CLDN16: variants seen among roughly 807,000 people sequenced by gnomAD.
CLDN16 encodes claudin 16, also known as claudin-16.
CLDN16 carries 13 observed loss-of-function variants against 24.6 expected under a neutral mutation model. The observed-to-expected ratio is 0.53, with a 90% CI of 0.34 to 0.84. CLDN16 has a LOEUF of 0.84. Among genes scored for constraint, CLDN16 ranks in the 40% least tolerant of loss-of-function variants. CLDN16 has a pLI of 0.01. For missense variants in CLDN16, 298 were observed against 292.7 expected (o/e 1.02, Z -0.13); for synonymous variants, 116 against 106.7 (o/e 1.09, Z -0.54).
upstream of CLDN16, among the ~76,000 whole-genome samples, chr3:190,385,098 T>A (rs553017222): frequency 6.6e-6 from 1 of 152,226 alleles, no homozygotes; most frequent in South Asian, 2.1e-4. Context: ...CTTCCAACCG[T>A]TTATTTTCTC....
At chr3:190,378,912 C>G (rs1470701641) in intron 3 of CLDN16, among the ~76,000 whole-genome samples, 1 of 151,884 alleles carries the variant, frequency 6.6e-6, no homozygotes, top group Non-Finnish European at 1.5e-5. Context: ...TGATATGATG[C>G]CTTTCTAATT....
chr3:190,304,567 T>C, the CLDN16 span, among the ~76,000 whole-genome samples: 1 of 152,190 alleles, frequency 6.6e-6, no homozygotes, highest in South Asian at 2.1e-4. Context: ...AACTCTCTGA[T>C]TGCCTATTTT....
At chr3:190,304,446 A>G in the CLDN16 span, among the ~76,000 whole-genome samples, 1 of 152,170 alleles carries the variant, frequency 6.6e-6, no homozygotes, top group Admixed American at 6.5e-5. Context: ...AAATAAATTC[A>G]TATCTAGTTT....
rs764960055 is a variant in CLDN16, at chr3:190,409,983, T to C, written c.655T>C (p.Ser219Pro). ...GGGTGTTTCCATGGCCAAGTCATAC[T>C]CAGCCCCTCGCACAGAGACGGCCAA... ...AAGVSMAKSY[S>P]APRTETAKMY... The change falls in exon 5 of 5, where the codon TCA becomes CCA. Residue 219 changes from serine to proline, a missense_variant. Coordinates refer to ENST00000264734, the MANE Select transcript of CLDN16 (RefSeq NM_006580.4). 1.3e-5 allele frequency: 21 copies of C among 1,614,114 alleles called. No homozygotes were observed. The highest frequency in any genetic ancestry group is 1.8e-5 in the Non-Finnish European group (21 of 1,179,998).
intron 1 of CLDN16, among the ~76,000 whole-genome samples, chr3:190,338,845 G>A (rs577287346): frequency 2.0e-5 from 3 of 152,308 alleles, no homozygotes; most frequent in East Asian, 3.9e-4. Context: ...GGCAGACTTG[G>A]AAGTGGCTCT....
At chr3:190,317,053 A>C in the CLDN16 span, among the ~76,000 whole-genome samples, 17,404 of 152,238 alleles carry the variant, frequency 0.11, 1,176 homozygotes, top group East Asian at 0.22. Context: ...TGAGTGGCAG[A>C]GCAGAGAAGT....
Position 190,402,404 on chromosome 3 carries a change from G to C in CLDN16, c.182G>C (p.Cys61Ser). The change falls in exon 2 of 5, where the codon TGT becomes TCT. Residue 61 changes from cysteine to serine, a missense_variant. By Grantham distance (112) the Cys-to-Ser change is moderately radical (BLOSUM62 -1). Transcript: ENST00000264734. ...AATGCTTTTGATGGGATTCGCACCT[G>C]TGATGAGTACGATTCCATACTTGCG... ...VTNAFDGIRT[C>S]DEYDSILAEH... is the part of the protein sequence containing the mutation. 1 of 1,613,994 alleles carries C rather than the reference G, an allele frequency of 6.2e-7. No individual in the cohort carries two copies.
chr3:190,347,037 T>A (rs1256116623), intron 1 of CLDN16, among the ~76,000 whole-genome samples: 1 of 152,160 alleles, frequency 6.6e-6, no homozygotes, highest in Non-Finnish European at 1.5e-5. Context: ...ATCCTCATGC[T>A]GTAACTGTAA....
chr3:190,352,700 A>G (rs1717694255), intron 1 of CLDN16, among the ~76,000 whole-genome samples: 1 of 152,090 alleles, frequency 6.6e-6, no homozygotes, highest in Non-Finnish European at 1.5e-5. Flanking sequence ...TAGAACATCA[A>G]AAGGTCCTTG....
At chr3:190,313,616 A>G in the CLDN16 span, among the ~76,000 whole-genome samples, 1 of 152,330 alleles carries the variant, frequency 6.6e-6, no homozygotes, top group East Asian at 1.9e-4. Context: ...AGTGGGGAAG[A>G]ATATAGAAGT....
In CLDN16 at chr3:190,391,478, T is replaced by C. The variant is rs554456517; in HGVS notation, c.114+3035T>C. Reference sequence around the variant, plus strand: ...TGAGCAAGAAATAAACGAAGTATCATTGGGGAAGAAAATATGCGATGATTA... The same window carrying C: ...TGAGCAAGAAATAAACGAAGTATCACTGGGGAAGAAAATATGCGATGATTA... On this transcript the variant is annotated intron_variant, in intron 1 of 4. Coordinates refer to ENST00000264734, the MANE Select transcript of CLDN16 (RefSeq NM_006580.4). 2.6e-5 allele frequency among the ~76,000 whole-genome samples: 4 copies of C among 152,248 alleles called. No homozygotes were observed. In the East Asian group the frequency reaches 7.7e-4, roughly 29 times the overall value.
chr3:190,310,702 G>T, the CLDN16 span, among the ~76,000 whole-genome samples: 2 of 152,116 alleles, frequency 1.3e-5, no homozygotes, highest in Admixed American at 6.5e-5. Flanking sequence ...GAGTCAAAAG[G>T]AATGCAAGCA....
intron 1 of CLDN16, among the ~76,000 whole-genome samples, chr3:190,368,813 C>T (rs1247745456): frequency 2.0e-5 from 3 of 151,884 alleles, no homozygotes; most frequent in Non-Finnish European, 4.4e-5. Context: ...ACAATTCCAC[C>T]TTTCCTCTGT....
chr3:190,387,798 CCT>C (rs1718541809), upstream of CLDN16: 2 of 356,360 alleles, frequency 5.6e-6, no homozygotes, highest in Admixed American at 8.1e-5. Flanking sequence ...TCACCAGTGG[CCT>C]GTCTGTCTAA....
At chr3:190,378,272 T>A (rs1187748267) in intron 3 of CLDN16, among the ~76,000 whole-genome samples, 1 of 151,902 alleles carries the variant, frequency 6.6e-6, no homozygotes, top group African/African-American at 2.4e-5. Context: ...TCCTTGAAGA[T>A]GAAGGAGGGT....
At chr3:190,387,392 A>C (rs1250725901), upstream of CLDN16, among the ~76,000 whole-genome samples, 1 of 152,144 alleles carries the variant, frequency 6.6e-6, no homozygotes, top group African/African-American at 2.4e-5. Context: ...CGCGTTTTCA[A>C]ACATTGGTCC....
upstream of CLDN16, among the ~76,000 whole-genome samples, chr3:190,320,304 A>C (rs1716884061): frequency 6.6e-6 from 1 of 152,214 alleles, no homozygotes; most frequent in Non-Finnish European, 1.5e-5. Flanking sequence ...TAAAACTGAC[A>C]GTGAGACCTC....
At chr3:190,299,515 A>T in the CLDN16 span, among the ~76,000 whole-genome samples, 1 of 150,942 alleles carries the variant, frequency 6.6e-6, no homozygotes, top group East Asian at 1.9e-4. Context: ...TCTTTAATTT[A>T]TGGTAAGAAA....
At chr3:190,355,970 A>G (rs1274716098) in intron 1 of CLDN16, among the ~76,000 whole-genome samples, 4 of 151,646 alleles carry the variant, frequency 2.6e-5, no homozygotes, top group East Asian at 1.9e-4. Flanking sequence ...AGTCTTTAAC[A>G]TGAAGAAAGT....
Sources: allele counts gnomAD v4.1 joint callset (sites outside exome capture counted in the v4.1 genomes callset), GRCh38; gene constraint gnomAD v4.1.1; transcripts MANE v1.5; gene names NCBI Gene and HGNC (gene_info 2026-07-23, HGNC 2026-07-21).